Variants in SP3 observed in about 807,000 individuals in gnomAD.
SP3 encodes the protein transcription factor Sp3.
In SP3, 10 loss-of-function variants were observed where a neutral mutation model predicts 70.3. That is an observed-to-expected ratio of 0.14 (90% confidence interval 0.09 to 0.24). The LOEUF is 0.24. Among genes scored for constraint, SP3 ranks in the 10% least tolerant of loss-of-function variants. The pLI, the probability that SP3 is intolerant of heterozygous loss-of-function variation, is 1.00. For synonymous variants in SP3, 402 were observed against 333.5 expected (o/e 1.21, Z -2.24); for missense variants, 825 against 914.6 (o/e 0.90, Z 1.26).
intron 4 of SP3, among the ~76,000 whole-genome samples, chr2:173,950,553 C>A (rs1690681668): frequency 6.6e-6 from 1 of 151,868 alleles, no homozygotes; most frequent in Non-Finnish European, 1.5e-5. Context: ...GTGGCGCTAG[C>A]CTGTAGTTCT....
chr2:173,954,779 G>C (rs1574423682), intron 4 of SP3, 94 bp downstream of exon 4: 2 of 1,058,484 alleles, frequency 1.9e-6, no homozygotes, highest in Non-Finnish European at 2.8e-6. Context: ...TAATTCTAAT[G>C]TGAGTCTGAT....
chr2:173,934,821 T>C (rs1559099095), intron 4 of SP3, among the ~76,000 whole-genome samples: 1 of 152,220 alleles, frequency 6.6e-6, no homozygotes, highest in African/African-American at 2.4e-5. Context: ...AACTCCTTTC[T>C]TCTAAAAATA....
chr2:173,904,570 A>G lies in SP3; in HGVS notation c.*5371T>C, dbSNP rs995885787. Reference sequence around the variant, plus strand: ...CATTTTCTTTTTCTTCTGGGGTTGAATGTCATCTTTGCTTTCTCTGCCTCC... The same window carrying G: ...CATTTTCTTTTTCTTCTGGGGTTGAGTGTCATCTTTGCTTTCTCTGCCTCC... On this transcript the variant is annotated 3_prime_UTR_variant, in exon 7 of 7. Transcript: ENST00000310015. Among the ~76,000 whole-genome samples, 10 of 152,170 alleles carry G rather than the reference A, an allele frequency of 6.6e-5. No homozygotes were observed. Among genetic ancestry groups the G allele is most frequent in the African/African-American group, 2.4e-4 (10 of 41,428 alleles).
intron 5 of SP3, chr2:173,914,309 ACT>A (rs1245781991): frequency 6.6e-6 from 1 of 151,438 alleles, no homozygotes; most frequent in Non-Finnish European, 1.5e-5. Flanking sequence ...CCCCTCCCCA[ACT>A]CCCCTCCTCC....
chr2:173,953,782 A>AC (rs745851521), intron 4 of SP3, among the ~76,000 whole-genome samples: 6,406 of 107,834 alleles, frequency 0.059, 497 homozygotes, highest in African/African-American at 0.18. Flanking sequence ...AACAAAACAA[A>AC]ACAAAAAAAA....
intron 4 of SP3, among the ~76,000 whole-genome samples, chr2:173,927,811 A>T (rs1259693094): frequency 6.6e-6 from 1 of 152,254 alleles, no homozygotes; most frequent in East Asian, 1.9e-4. Flanking sequence ...GTTATTTAAG[A>T]TAGTTATGAT....
intron 3 of SP3, among the ~76,000 whole-genome samples, chr2:173,958,943 T>C (rs1315999095): frequency 2.6e-5 from 4 of 152,196 alleles, no homozygotes; most frequent in Non-Finnish European, 5.9e-5. Flanking sequence ...TTGAGCACTG[T>C]GCAATCCCAA....
chr2:173,916,962 GAACA>G (rs1240637776), intron 5 of SP3: 1 of 151,820 alleles, frequency 6.6e-6, no homozygotes, highest in Non-Finnish European at 1.5e-5. Flanking sequence ...CTCAAAACAA[GAACA>G]GACATATAAA....
intron 4 of SP3, among the ~76,000 whole-genome samples, chr2:173,926,509 G>T (rs534843129): frequency 5.9e-5 from 9 of 152,174 alleles, no homozygotes; most frequent in Admixed American, 4.6e-4. Context: ...CCTGTAGAAC[G>T]CACCAGAGGC....
At position 173,964,505 on chromosome 2, in the gene SP3, T is replaced by C; in HGVS notation, c.56A>G (p.Asp19Gly). ...KQEEMAALDV[D>G]SGGGGGGGGG... ...GCCGCCGCCACCGCCGCCGCCGCTATCCACGTCCAAGGCAGCCATTTCCTC... is the reference window on the plus strand; with the variant it reads ...GCCGCCGCCACCGCCGCCGCCGCTACCCACGTCCAAGGCAGCCATTTCCTC... Residue 19 changes from aspartate to glycine, a missense_variant, in exon 2 of 7, where the codon GAT (aspartate) becomes GGT (glycine). Asp to Gly is a moderately conservative substitution (Grantham distance 94, BLOSUM62 -1). Coordinates refer to ENST00000310015, the MANE Select transcript of SP3 (RefSeq NM_003111.5). 2.1e-6 allele frequency: 1 copy of C among 483,242 alleles called. No homozygotes were observed. Among genetic ancestry groups the C allele is most frequent in the Non-Finnish European group, 4.1e-6 (1 of 242,154 alleles). The allele number at this position is 483,242 out of a possible 1,614,324, so 29.9% of individuals were successfully genotyped here.
intron 3 of SP3, among the ~76,000 whole-genome samples, chr2:173,959,176 A>C (rs954885144): frequency 6.6e-6 from 1 of 152,154 alleles, no homozygotes; most frequent in African/African-American, 2.4e-5. Context: ...AAGCCTATTT[A>C]TTTCCACAAT....
chr2:173,958,166 C>G (rs936852742), intron 3 of SP3, among the ~76,000 whole-genome samples: 5 of 151,432 alleles, frequency 3.3e-5, no homozygotes, highest in African/African-American at 1.2e-4. Flanking sequence ...GAACTTTTAT[C>G]AAAGAATATA....
intron 6 of SP3, among the ~76,000 whole-genome samples, chr2:173,912,753 CAAGAGT>C (rs1280672486): frequency 1.3e-5 from 2 of 151,942 alleles, no homozygotes; most frequent in African/African-American, 2.4e-5. Context: ...TAGGATAGAT[CAAGAGT>C]AAAAGCTGAC....
chr2:173,901,304 GCAAAA>G lies in SP3; in HGVS notation c.*8632_*8636del. Among the ~76,000 whole-genome samples, 1 of 152,074 alleles carries G rather than the reference GCAAAA, an allele frequency of 6.6e-6. No homozygotes were observed. The highest frequency in any genetic ancestry group is 3.4e-3 in the Middle Eastern group (1 of 294). ...ACAATTCAGATACAATAAAACTTCTGCAAAACAACACACACAAAACACCATAAACA... is the reference window on the plus strand; with the variant it reads ...ACAATTCAGATACAATAAAACTTCTGCAACACACACAAAACACCATAAACA... On this transcript the variant is annotated 3_prime_UTR_variant, in exon 7 of 7. Transcript: ENST00000310015.
chr2:173,964,979 C>A, intron 1 of SP3, 186 bp downstream of exon 1: 1 of 730,264 alleles, frequency 1.4e-6, no homozygotes, highest in Non-Finnish European at 2.1e-6. Flanking sequence ...GTTGCTGGGG[C>A]TTCGGGGGTG....
chr2:173,918,000 T>TA (rs1179304244), intron 5 of SP3, among the ~76,000 whole-genome samples: 108 of 151,216 alleles, frequency 7.1e-4, no homozygotes, highest in African/African-American at 1.3e-3. Context: ...GTTTTTTTTT[T>TA]TAAAAAAAAT....
At chr2:173,941,111 T>C (rs1690360040) in intron 4 of SP3, among the ~76,000 whole-genome samples, 1 of 149,692 alleles carries the variant, frequency 6.7e-6, no homozygotes, top group Admixed American at 6.7e-5. Context: ...TATTTCAATG[T>C]TGCTCACAAC....
At chr2:173,941,705 C>G (rs901524280) in intron 4 of SP3, among the ~76,000 whole-genome samples, 5 of 152,220 alleles carry the variant, frequency 3.3e-5, no homozygotes, top group African/African-American at 1.2e-4. Flanking sequence ...CTTCTGTTTC[C>G]TTTGCTAGCT....
Position 173,903,410 on chromosome 2 carries a change from A to G in SP3, c.*6531T>C, listed in dbSNP as rs1238608237. On this transcript the variant is annotated 3_prime_UTR_variant, in exon 7 of 7. Transcript: ENST00000310015. ...AGACAAGCAAGCCCATGTGTGTCTA[A>G]GTCCCAAACCTATGCACTTAATCAC... is the stretch of plus-strand genomic sequence containing the variant. Among the ~76,000 whole-genome samples, 1 of 152,246 alleles carries G rather than the reference A, an allele frequency of 6.6e-6. No homozygotes were observed. Among genetic ancestry groups the G allele is most frequent in the Non-Finnish European group, 1.5e-5 (1 of 68,054 alleles).
Sources: gnomAD v4.1 joint callset for allele counts (sites outside exome capture counted in the v4.1 genomes callset) on GRCh38, gnomAD v4.1.1 for gene constraint, MANE v1.5 for transcripts, NCBI Gene and HGNC (gene_info 2026-07-23, HGNC 2026-07-21) for gene names.